The following FCN2 variants were observed in gnomAD, a reference collection of about 807,000 sequenced individuals.
FCN2 encodes the protein ficolin 2, also known as ficolin-2.
FCN2 carries 31 observed loss-of-function variants against 32.5 expected under a neutral mutation model. The ratio of observed to expected loss-of-function variants is 0.96; its 90% CI spans 0.72 to 1.29. The LOEUF is 1.29. FCN2 is among the 50% of genes most tolerant of loss of function. The pLI, the probability that FCN2 is intolerant of heterozygous loss-of-function variation, is 0.00. For missense variants in FCN2, 412 were observed against 406.5 expected, an observed-to-expected ratio of 1.01 and a Z score of -0.12; for synonymous variants, 181 against 164.5, an observed-to-expected ratio of 1.10 and a Z score of -0.77.
At position 134,884,640 on chromosome 9, in the gene FCN2, T is replaced by C. The variant is rs536216889; in HGVS notation, c.269-100T>C. ...CCTTGGCTGGACCCATACCATCACC[T>C]CCTGGGGAGGCCCAGAAAATGGTGT... On this transcript the variant is annotated intron_variant, in intron 3 of 7. Coordinates refer to ENST00000291744, the MANE Select transcript of FCN2 (RefSeq NM_004108.3). The C allele has an allele frequency of 8.1e-6, 10 of 1,229,426 alleles. No homozygotes were observed. In the Admixed American group the frequency reaches 1.7e-4, roughly 21 times the overall value. The allele number at this position is 1,229,426 out of a possible 1,614,324, so 76.2% of individuals were successfully genotyped here. A position where few individuals can be genotyped will look rare whatever the true frequency, so the allele number is the denominator to read the frequency against.
Position 134,887,201 on chromosome 9 carries a change from TCTC to T in FCN2, c.730_732del (p.Ser244del). On this transcript the variant is annotated inframe_deletion, in exon 8 of 8. Transcript: ENST00000291744. ...CTGACGTTCCACAACAACCAGTCCT[TCTC>T]CACCAAAGACCAGGACAATGATCTT... 6.2e-7 allele frequency: 1 copy of T among 1,614,122 alleles called. No individual in the cohort carries two copies.
chr9:134,873,985 A>T, the FCN2 span, among the ~76,000 whole-genome samples: 2 of 150,094 alleles, frequency 1.3e-5, no homozygotes, highest in Non-Finnish European at 1.5e-5. Flanking sequence ...ATCTTAGCTC[A>T]CTGCAACCTC....
chr9:134,866,611 A>G, the FCN2 span, among the ~76,000 whole-genome samples: 1 of 150,816 alleles, frequency 6.6e-6, no homozygotes, highest in South Asian at 2.1e-4. Context: ...ACCAAAAACA[A>G]TGGCAACAAA....
At position 134,884,753 on chromosome 9, in the gene FCN2, G is replaced by T; in HGVS notation, c.282G>T (p.Glu94Asp). ...ATCCATGAACAGGAGCACCTGGGGA[G>T]CCCCAGCCGTGCCTGACAGGTGACT... ...GPPGPNGAPG[E>D]PQPCLTGPRT... Residue 94 changes from glutamate (E) to aspartate (D), a missense_variant, in exon 4 of 8, where the codon GAG (glutamate) becomes GAT (aspartate). Coordinates refer to ENST00000291744, the MANE Select transcript of FCN2 (RefSeq NM_004108.3). 1.2e-6 allele frequency: 2 copies of T among 1,613,994 alleles called. No homozygotes were observed.
chr9:134,870,742 G>C, the FCN2 span, among the ~76,000 whole-genome samples: 54 of 152,218 alleles, frequency 3.5e-4, no homozygotes, highest in Admixed American at 1.2e-3. The surrounding 1 kb of genome is among the most constrained non-coding windows in gnomAD (Gnocchi z 4.3). Flanking sequence ...TGAGTCGTCA[G>C]ATGCTCCCAG....
At chr9:134,875,316 G>T in the FCN2 span, among the ~76,000 whole-genome samples, 4 of 152,176 alleles carry the variant, frequency 2.6e-5, no homozygotes. Context: ...TGAACTGTGG[G>T]TTTTTTGTGG....
the FCN2 span, among the ~76,000 whole-genome samples, chr9:134,867,306 A>C: frequency 6.6e-6 from 1 of 151,626 alleles, no homozygotes; most frequent in Non-Finnish European, 1.5e-5. Flanking sequence ...AATACTATGC[A>C]GCCATAAAAA....
At chr9:134,868,804 G>A in the FCN2 span, among the ~76,000 whole-genome samples, 7 of 152,208 alleles carry the variant, frequency 4.6e-5, no homozygotes, top group African/African-American at 1.4e-4. This position sits in a 1 kb window ranked among gnomAD's most constrained non-coding sequence, Gnocchi z 4.3. Flanking sequence ...CTGCTCATCC[G>A]TCCTTGCTTC....
At chr9:134,873,857 T>C in the FCN2 span, among the ~76,000 whole-genome samples, 125,242 of 151,186 alleles carry the variant, frequency 0.83, 52,039 homozygotes, top group East Asian at 0.97. Context: ...GTCTTTTAAA[T>C]GGCAGAACTT....
intron 5 of FCN2, 84 bp from the exon 6 acceptor site, chr9:134,885,684 T>C (rs1830740469): frequency 6.3e-7 from 1 of 1,588,600 alleles, no homozygotes; most frequent in African/African-American, 1.3e-5. Context: ...CAACTACAAA[T>C]GCTGCTCCTC....
rs1003510881 is a variant in FCN2, at chr9:134,883,504, C to G, written c.268+149C>G. The G allele has an allele frequency of 2.5e-5, 18 of 723,864 alleles. No individual in the cohort carries two copies. In the Admixed American group the frequency reaches 3.8e-4, roughly 15 times the overall value. 44.8% of individuals were successfully genotyped at this position (723,864 alleles called of 1,614,324 possible). A position where few individuals can be genotyped will look rare whatever the true frequency, so the allele number is the denominator to read the frequency against. ...AGGGCTCTTGGGGCTTAGTCCAGGG[C>G]AGGGGTCTCAGTGTGGGGGAAGGGG... On this transcript the variant is annotated intron_variant, in intron 3 of 7. Transcript: ENST00000291744.
upstream of FCN2, among the ~76,000 whole-genome samples, chr9:134,878,167 CCTA>C (rs1830619481): frequency 6.6e-6 from 1 of 152,156 alleles, no homozygotes; most frequent in South Asian, 2.1e-4. Context: ...TTGCACACAG[CCTA>C]TTGTGATCCT....
the FCN2 span, among the ~76,000 whole-genome samples, chr9:134,869,455 CT>C: frequency 7.9e-5 from 12 of 152,200 alleles, 1 homozygote; most frequent in Non-Finnish European, 1.3e-4. Flanking sequence ...ACCAGCTGCC[CT>C]GAGCCCAGAC....
Position 134,885,220 on chromosome 9 carries a change from C to T in FCN2, c.302-19C>T, listed in dbSNP as rs1363492420. ...CCAGGGCTCCTGTCCTGCAGCCATT[C>T]CCCGGGTTCCCTTCCCAGGCCCGCG... On this transcript the variant is annotated intron_variant, in intron 4 of 7. Coordinates refer to ENST00000291744, the MANE Select transcript of FCN2 (RefSeq NM_004108.3). The T allele has an allele frequency of 6.2e-7, 1 of 1,613,970 alleles. No individual in the cohort carries two copies. The highest frequency in any genetic ancestry group is 1.1e-5 in the South Asian group (1 of 91,084).
upstream of FCN2, chr9:134,880,786 G>C (rs770640130): frequency 2.0e-5 from 31 of 1,530,514 alleles, no homozygotes; most frequent in Non-Finnish European, 2.6e-5. Flanking sequence ...AGCCCTATAA[G>C]AGGGCAGGCA....
At chr9:134,868,952 G>A in the FCN2 span, among the ~76,000 whole-genome samples, 3 of 152,222 alleles carry the variant, frequency 2.0e-5, 1 homozygote, top group South Asian at 6.2e-4. The surrounding 1 kb of genome is among the most constrained non-coding windows in gnomAD (Gnocchi z 4.3). Context: ...CTTCCATATT[G>A]TCTCTGGTTG....
At chr9:134,879,850 T>G (rs932837836), upstream of FCN2, among the ~76,000 whole-genome samples, 1 of 151,984 alleles carries the variant, frequency 6.6e-6, no homozygotes, top group African/African-American at 2.4e-5. Flanking sequence ...GGTGGCAGGG[T>G]GCGGTGGTGG....
rs1830718421 is a variant in FCN2, at chr9:134,884,753, G to A, written c.282G>A (p.Glu94=). 6.2e-7 allele frequency: 1 copy of A among 1,613,994 alleles called. No individual in the cohort carries two copies. The highest frequency in any genetic ancestry group is 8.5e-7 in the Non-Finnish European group (1 of 1,179,958). The change falls in exon 4 of 8, where the codon GAG becomes GAA. Residue 94 remains glutamate (E), a synonymous_variant. Transcript: ENST00000291744. ...ATCCATGAACAGGAGCACCTGGGGA[G>A]CCCCAGCCGTGCCTGACAGGTGACT... ...GPPGPNGAPG[E]PQPCLTGPRT... is the part of the protein sequence containing the mutation.
intron 2 of FCN2, 77 bp downstream of exon 2, chr9:134,882,716 C>G (rs1182551767): frequency 2.0e-6 from 2 of 1,021,586 alleles, no homozygotes; most frequent in Non-Finnish European, 3.0e-6. Context: ...ACACCCCCAC[C>G]ATGGTTCCTA....
Sources: gnomAD v4.1 joint callset for allele counts (sites outside exome capture counted in the v4.1 genomes callset) on GRCh38, gnomAD v4.1.1 for gene constraint, Gnocchi (gnomAD v3.1) non-coding constraint, MANE v1.5 for transcripts, NCBI Gene and HGNC (gene_info 2026-07-23, HGNC 2026-07-21) for gene names.